The following NTSR2 variants were observed in gnomAD, a reference collection of about 807,000 sequenced individuals.
NTSR2 encodes the protein neurotensin receptor type 2.
In NTSR2, 22 loss-of-function variants were observed where a neutral mutation model predicts 24.1. The observed-to-expected ratio is 0.91, with a 90% CI of 0.65 to 1.30. The LOEUF is 1.30. Ranked by LOEUF, NTSR2 falls within the 50% of genes most tolerant of loss-of-function variation. The probability of loss-of-function intolerance (pLI) is 0.00; values close to 1 mark genes in which losing one functional copy is unlikely to be tolerated. For missense variants in NTSR2, 570 were observed against 570.4 expected (o/e 1.00, Z 0.01); for synonymous variants, 291 against 267.0 (o/e 1.09, Z -0.88).
Position 11,665,209 on chromosome 2 carries a change from G to A in NTSR2, c.625-2969C>T, listed in dbSNP as rs528491859. On this transcript the variant is annotated intron_variant, in intron 1 of 3. Coordinates refer to ENST00000306928, the MANE Select transcript of NTSR2 (RefSeq NM_012344.4). ...TGTCACAGCCACGCCAGGCCTCGGC[G>A]GAGAACTGCGCAGCCAGGTCTGAGC... is the stretch of plus-strand genomic sequence containing the variant. 2.2e-4 allele frequency among the ~76,000 whole-genome samples: 34 copies of A among 152,262 alleles called. No homozygotes were observed. In the South Asian group the frequency reaches 6.0e-3, roughly 27 times the overall value.
intron 3 of NTSR2, 119 bp from the exon 4 acceptor site, chr2:11,658,841 C>G (rs867152745): frequency 8.7e-7 from 1 of 1,148,440 alleles, no homozygotes; most frequent in Admixed American, 2.2e-5. Flanking sequence ...TTTCTGCTAT[C>G]AGGAAGCACA....
chr2:11,667,552 C>T (rs1661231725), intron 1 of NTSR2, among the ~76,000 whole-genome samples: 1 of 152,096 alleles, frequency 6.6e-6, no homozygotes, highest in East Asian at 1.9e-4. Context: ...ACTATGTTGC[C>T]CAGGCTGGTC....
At chr2:11,667,134 G>A (rs368858784) in intron 1 of NTSR2, among the ~76,000 whole-genome samples, 22 of 152,310 alleles carry the variant, frequency 1.4e-4, no homozygotes, top group African/African-American at 5.1e-4. Flanking sequence ...AAGAGCAGGA[G>A]CGAGAGGGGC....
At chr2:11,663,969 T>G (rs1661138055) in intron 1 of NTSR2, among the ~76,000 whole-genome samples, 2 of 152,172 alleles carry the variant, frequency 1.3e-5, no homozygotes, top group Admixed American at 1.3e-4. Flanking sequence ...TTATCATCAT[T>G]GATACTATGT....
intron 1 of NTSR2, among the ~76,000 whole-genome samples, chr2:11,663,318 G>C (rs184473067): frequency 6.6e-6 from 1 of 152,096 alleles, no homozygotes; most frequent in South Asian, 2.1e-4. Context: ...GGGGGCCCCC[G>C]TGCAGATGAG....
At chr2:11,668,265 G>T (rs1158366751) in intron 1 of NTSR2, among the ~76,000 whole-genome samples, 1 of 152,204 alleles carries the variant, frequency 6.6e-6, no homozygotes, top group Non-Finnish European at 1.5e-5. Context: ...CTCTACCCCT[G>T]CCCAGGGGAT....
rs575467157 is a variant in NTSR2 at position 11,666,002 on chromosome 2, A to C, written c.624+3504T>G. ...GCCTCTGAGGCCAAGAAACCAGGTC[A>C]AGACTGCAGGAAGGCACGCAGGCGC... On this transcript the variant is annotated intron_variant, in intron 1 of 3. Transcript: ENST00000306928. The C allele has an allele frequency of 1.6e-3, 238 of 152,600 alleles. 3 individuals are homozygous for C. Among genetic ancestry groups the C allele is most frequent in the Non-Finnish European group, 2.9e-4 (20 of 68,124 alleles). The allele number at this position is 152,600 out of a possible 1,614,324, so 9.5% of individuals were successfully genotyped here.
chr2:11,669,681 C>A lies in NTSR2; in HGVS notation c.449G>T (p.Arg150Leu). 6.5e-7 allele frequency: 1 copy of A among 1,536,120 alleles called. No homozygotes were observed. Among genetic ancestry groups the A allele is most frequent in the Non-Finnish European group, 8.7e-7 (1 of 1,146,784 alleles). ...GAGCGCCACCAGCCACCGGGTCCGGCGTGGCGTCAGCAGGCTGCGGGCACG... is the reference window on the plus strand; with the variant it reads ...GAGCGCCACCAGCCACCGGGTCCGGAGTGGCGTCAGCAGGCTGCGGGCACG... ...PLRARSLLTP[R>L]RTRWLVALSW... Residue 150 changes from arginine to leucine, a missense_variant, in exon 1 of 4, where the codon CGC (arginine) becomes CTC (leucine). By Grantham distance (102) the Arg-to-Leu change is moderately radical (BLOSUM62 -2). Coordinates refer to ENST00000306928, the MANE Select transcript of NTSR2 (RefSeq NM_012344.4).
chr2:11,669,778 A>G lies in NTSR2; in HGVS notation c.352T>C (p.Cys118Arg). The G allele has an allele frequency of 6.5e-7, 1 of 1,549,296 alleles. No homozygotes were observed. The highest frequency in any genetic ancestry group is 1.9e-5 in the Admixed American group (1 of 52,376). ...ACGCTCAGCACCGTGGCGTAGGCGC[A>G]CAGCTCGTGCACGAAGTAGTAGCCG... is the stretch of plus-strand genomic sequence containing the variant. ...CRGYYFVHEL[C>R]AYATVLSVAG... is the part of the protein sequence containing the mutation. The change falls in exon 1 of 4, where the codon TGC (cysteine) becomes CGC (arginine). Residue 118 changes from cysteine (C) to arginine (R), a missense_variant. Physicochemically the swap from Cys to Arg is radical, Grantham distance 180 (BLOSUM62 -3). Coordinates refer to ENST00000306928, the MANE Select transcript of NTSR2 (RefSeq NM_012344.4).
At chr2:11,661,638 A>G (rs1661073767) in intron 2 of NTSR2, among the ~76,000 whole-genome samples, 1 of 152,154 alleles carries the variant, frequency 6.6e-6, no homozygotes, top group Non-Finnish European at 1.5e-5. Context: ...AGAGTCCACA[A>G]TTTGCAGCCG....
intron 1 of NTSR2, chr2:11,665,627 A>G (rs905161945): frequency 1.3e-5 from 2 of 152,206 alleles, no homozygotes; most frequent in African/African-American, 4.8e-5. Context: ...TGTAACTCCC[A>G]GTGGTCATGC....
chr2:11,660,250 G>A lies in NTSR2; in HGVS notation c.899-117C>T. On this transcript the variant is annotated intron_variant, in intron 2 of 3. Transcript: ENST00000306928. ...GATAGCAGCATTTCCCTCTAACTTG[G>A]TCCTGGAGTCAAGGGTTGGAAGGAG... The A allele has an allele frequency of 4.0e-6, 3 of 754,604 alleles. No homozygotes were observed. In the South Asian group the frequency reaches 4.9e-5, roughly 12 times the overall value. 46.7% of individuals were successfully genotyped at this position (754,604 alleles called of 1,614,324 possible).
intron 1 of NTSR2, among the ~76,000 whole-genome samples, chr2:11,668,043 C>T (rs373326195): frequency 2.0e-5 from 3 of 151,496 alleles, no homozygotes; most frequent in East Asian, 2.0e-4. Flanking sequence ...CTGTGGATTC[C>T]GGGGGCAGGA....
At chr2:11,662,729 C>T (rs1234660480) in intron 1 of NTSR2, among the ~76,000 whole-genome samples, 5 of 152,024 alleles carry the variant, frequency 3.3e-5, no homozygotes, top group African/African-American at 9.7e-5. Context: ...TGCAGTGAGC[C>T]GAGATCATGC....
intron 1 of NTSR2, 46 bp downstream of exon 1, chr2:11,669,460 G>GGGGGGGGGGGGGGGCCCCCCC: frequency 5.9e-5 from 15 of 254,712 alleles, no homozygotes; most frequent in South Asian, 3.1e-4. Flanking sequence ...TCCCAGCACC[G>GGGGGGGGGGGGGGGCCCCCCC]CCCCCCCACC....
intron 2 of NTSR2, among the ~76,000 whole-genome samples, chr2:11,661,014 C>T (rs918843964): frequency 1.5e-4 from 23 of 152,182 alleles, no homozygotes; most frequent in African/African-American, 5.3e-4. Context: ...CAACCTCCCA[C>T]CCCTTCCCTC....
intron 3 of NTSR2, among the ~76,000 whole-genome samples, chr2:11,658,939 C>T (rs1474062843): frequency 6.6e-6 from 1 of 152,152 alleles, no homozygotes; most frequent in Admixed American, 6.5e-5. Context: ...CTGCAACCTC[C>T]GCCTTCTGAG....
chr2:11,669,893 G>GCC lies in NTSR2; in HGVS notation c.235_236dup (p.Leu80AlafsTer46). 6.4e-7 allele frequency: 1 copy of GCC among 1,574,442 alleles called. No individual in the cohort carries two copies. Among genetic ancestry groups the GCC allele is most frequent in the South Asian group, 1.1e-5 (1 of 87,076 alleles). On this transcript the variant is annotated frameshift_variant, in exon 1 of 4. Transcript: ENST00000306928. LOFTEE classifies it high-confidence loss of function. ...GCACGCCGACCAGCAGCAGCAGCAG[G>GCC]CCCGCGAGCGCCAGGCTGAGCACGT...
chr2:11,669,568 C>T lies in NTSR2; in HGVS notation c.562G>A (p.Glu188Lys). Reference protein sequence around the residue: ...HELETADGEPEPASRVCTVLV... With the variant: ...HELETADGEPKPASRVCTVLV... ...ACCGTGCACACTCGCGAGGCGGGCT[C>T]CGGCTCCCCGTCCGCCGTCTCGAGT... is the stretch of plus-strand genomic sequence containing the variant. The change falls in exon 1 of 4, where the codon GAG (glutamate) becomes AAG (lysine). Residue 188 changes from glutamate to lysine, a missense_variant. Transcript: ENST00000306928. The T allele has an allele frequency of 6.4e-7, 1 of 1,569,370 alleles. No individual in the cohort carries two copies. Among genetic ancestry groups the T allele is most frequent in the South Asian group, 1.2e-5 (1 of 86,340 alleles).
Sources: gnomAD v4.1 joint callset for allele counts (sites outside exome capture counted in the v4.1 genomes callset) on GRCh38, gnomAD v4.1.1 for gene constraint, MANE v1.5 for transcripts, NCBI Gene and HGNC (gene_info 2026-07-23, HGNC 2026-07-21) for gene names.